The following NLN variants were observed in gnomAD, a reference collection of about 807,000 sequenced individuals.
The protein encoded by NLN is neurolysin, mitochondrial.
NLN carries 64 observed loss-of-function variants against 79.9 expected under a neutral mutation model. The ratio of observed to expected loss-of-function variants is 0.80; its 90% confidence interval spans 0.65 to 0.99. NLN has a LOEUF of 0.99. Ranked by LOEUF, NLN falls within the 50% of genes least tolerant of loss-of-function variation. The pLI is 0.00. For synonymous variants in NLN, 267 were observed against 296.6 expected, an observed-to-expected ratio of 0.90 and a Z score of 1.02; for missense variants, 835 against 858.7, an observed-to-expected ratio of 0.97 and a Z score of 0.34.
chr5:65,740,540 G>A (rs1228598575), intron 1 of NLN, among the ~76,000 whole-genome samples: 1 of 152,132 alleles, frequency 6.6e-6, no homozygotes, highest in Admixed American at 6.5e-5. Flanking sequence ...TAGTTTCACA[G>A]TTTAGGATCT....
intron 9 of NLN, 106 bp downstream of exon 9, chr5:65,792,761 G>A (rs1760096354): frequency 1.0e-6 from 1 of 979,530 alleles, no homozygotes; most frequent in Non-Finnish European, 1.6e-6. Context: ...GAAGCTGAAT[G>A]TGTTCAAGAA....
Position 65,781,415 on chromosome 5 carries a change from C to T in NLN, c.816C>T (p.Cys272=), listed in dbSNP as rs1759797643. 1.3e-6 allele frequency: 2 copies of T among 1,595,762 alleles called. No individual in the cohort carries two copies. Among genetic ancestry groups the T allele is most frequent in the Non-Finnish European group, 1.7e-6 (2 of 1,166,806 alleles). The change falls in exon 6 of 13, where the codon TGC becomes TGT. Residue 272 remains cysteine (C), a synonymous_variant. Transcript: ENST00000380985. ...RRMEMAFNTR[C]KEENTIILQQ... is the part of the protein sequence containing the mutation. Reference sequence around the variant, plus strand: ...TGGAAATGGCTTTTAATACAAGGTGCAAAGAGGTATTATAAATGTTTGTCT... The same window carrying T: ...TGGAAATGGCTTTTAATACAAGGTGTAAAGAGGTATTATAAATGTTTGTCT...
intron 3 of NLN, among the ~76,000 whole-genome samples, chr5:65,772,733 CA>C (rs1373296335): frequency 1.3e-4 from 19 of 147,794 alleles, no homozygotes; most frequent in Non-Finnish European, 1.8e-4. Context: ...GTTTGTTTTT[CA>C]TTTTTTTTTT....
At chr5:65,815,177 C>T (rs1301419884) in intron 12 of NLN, among the ~76,000 whole-genome samples, 1 of 152,208 alleles carries the variant, frequency 6.6e-6, no homozygotes, top group African/African-American at 2.4e-5. Flanking sequence ...GCTTCGCCAT[C>T]ACCTCCTCTG....
At chr5:65,776,579 C>G (rs762162318) in intron 3 of NLN, among the ~76,000 whole-genome samples, 2 of 152,212 alleles carry the variant, frequency 1.3e-5, no homozygotes, top group Non-Finnish European at 2.9e-5. Context: ...GAATCCATTA[C>G]ACCTGCTGAA....
chr5:65,741,717 G>A (rs181892459), intron 1 of NLN, among the ~76,000 whole-genome samples: 7 of 152,312 alleles, frequency 4.6e-5, no homozygotes, highest in African/African-American at 1.7e-4. Context: ...TTCCATGTAT[G>A]TGGATAGTCG....
chr5:65,823,021 C>A lies in NLN; in HGVS notation c.*106C>A. The stretch of plus-strand genomic sequence containing the variant: ...GTTTTGCAAGTGAAAATTTAGATTT[C>A]TATTGACATCCTTTTGTTTTCTAAT... On this transcript the variant is annotated 3_prime_UTR_variant, in exon 13 of 13. Coordinates refer to ENST00000380985, the MANE Select transcript of NLN (RefSeq NM_020726.5). 3.8e-6 allele frequency: 3 copies of A among 797,312 alleles called. No homozygotes were observed. Among genetic ancestry groups the A allele is most frequent in the South Asian group, 1.8e-5 (1 of 55,374 alleles). The allele number at this position is 797,312 out of a possible 1,614,324, so 49.4% of individuals were successfully genotyped here.
chr5:65,743,133 T>G (rs943239980), intron 1 of NLN, among the ~76,000 whole-genome samples: 1 of 152,194 alleles, frequency 6.6e-6, no homozygotes, highest in African/African-American at 2.4e-5. Context: ...TCTCCTGACT[T>G]GGGGAAGCAG....
At chr5:65,786,304 AC>A (rs1759922840) in intron 7 of NLN, among the ~76,000 whole-genome samples, 2 of 152,316 alleles carry the variant, frequency 1.3e-5, no homozygotes, top group Non-Finnish European at 2.9e-5. Flanking sequence ...ACATACATAA[AC>A]AAAAAACATT....
intron 1 of NLN, 93 bp downstream of exon 1, chr5:65,722,507 G>A: frequency 1.7e-6 from 2 of 1,181,036 alleles, no homozygotes; most frequent in Admixed American, 2.2e-5. Context: ...CTTCCCGACC[G>A]CGCCTCTCCG....
intron 1 of NLN, among the ~76,000 whole-genome samples, chr5:65,735,687 C>T (rs1758713538): frequency 6.6e-6 from 1 of 152,112 alleles, no homozygotes; most frequent in African/African-American, 2.4e-5. Flanking sequence ...ACATGTCATA[C>T]TTCAGTTTGC....
chr5:65,756,020 A>G (rs556534376), intron 1 of NLN, among the ~76,000 whole-genome samples: 1 of 152,284 alleles, frequency 6.6e-6, no homozygotes, highest in South Asian at 2.1e-4. Flanking sequence ...TGGTTTTGCC[A>G]GAGTCATGAA....
At chr5:65,731,546 C>G (rs1350586766) in intron 1 of NLN, among the ~76,000 whole-genome samples, 2 of 152,028 alleles carry the variant, frequency 1.3e-5, no homozygotes, top group South Asian at 4.1e-4. Context: ...ATAGATGTTT[C>G]AGTTGTTTTT....
At chr5:65,797,099 CAA>C (rs1342780607) in intron 9 of NLN, among the ~76,000 whole-genome samples, 3 of 152,206 alleles carry the variant, frequency 2.0e-5, no homozygotes, top group Admixed American at 6.5e-5. Context: ...AGATAGCAAT[CAA>C]GAGGTGATAT....
Position 65,810,091 on chromosome 5 carries a change from C to A in NLN, c.1769C>A (p.Thr590Asn), listed in dbSNP as rs1437733433. Residue 590 changes from threonine to asparagine, a missense_variant, in exon 11 of 13, where the codon ACC (threonine) becomes AAC (asparagine). By Grantham distance (65) the Thr-to-Asn change is moderately conservative (BLOSUM62 0). Transcript: ENST00000380985. ...VLSKVDQSLHTNTSLDAASEY... is the reference protein window; with the variant it reads ...VLSKVDQSLHNNTSLDAASEY... ...AGCAAAGTTGATCAGTCTCTTCATA[C>A]CAACACATCGCTGGATGCTGCAAGT... is the stretch of plus-strand genomic sequence containing the variant. The A allele has an allele frequency of 6.2e-7, 1 of 1,613,790 alleles. No individual in the cohort carries two copies. The highest frequency in any genetic ancestry group is 1.1e-5 in the South Asian group (1 of 91,078).
intron 2 of NLN, 71 bp from the exon 3 acceptor site, chr5:65,762,889 A>T (rs1273635660): frequency 6.5e-6 from 9 of 1,382,766 alleles, no homozygotes; most frequent in South Asian, 5.2e-5. Flanking sequence ...TCATCTGGGT[A>T]TGAGGTATTT....
chr5:65,767,024 G>A (rs149585514), intron 3 of NLN, among the ~76,000 whole-genome samples: 1 of 152,338 alleles, frequency 6.6e-6, no homozygotes, highest in Non-Finnish European at 1.5e-5. Context: ...TGCTTTCACA[G>A]GCTGATGTTG....
chr5:65,784,475 A>T (rs1156922377), intron 6 of NLN, among the ~76,000 whole-genome samples: 2 of 152,206 alleles, frequency 1.3e-5, no homozygotes, highest in African/African-American at 4.8e-5. Context: ...GAAGGCTGAG[A>T]AATTCAAGAT....
In NLN at chr5:65,828,454, G is replaced by A. The variant is rs1267769578; in HGVS notation, c.*5539G>A. On this transcript the variant is annotated 3_prime_UTR_variant, in exon 13 of 13. Transcript: ENST00000380985. ...AGAAAAATAAAAAAGAATTAGGGAA[G>A]TTCAGTCTGGAGATAATTCAGAAAT... is the stretch of plus-strand genomic sequence containing the variant. 6.6e-6 allele frequency: 1 copy of A among 152,192 alleles called. No individual in the cohort carries two copies. The highest frequency in any genetic ancestry group is 2.4e-5 in the African/African-American group (1 of 41,442). The allele number at this position is 152,192 out of a possible 1,614,324, so 9.4% of individuals were successfully genotyped here.
Sources: allele counts gnomAD v4.1 joint callset (sites outside exome capture counted in the v4.1 genomes callset), GRCh38; gene constraint gnomAD v4.1.1; transcripts MANE v1.5; gene names NCBI Gene and HGNC (gene_info 2026-07-23, HGNC 2026-07-21).